SHISA9: variants seen among roughly 807,000 people sequenced by gnomAD.
SHISA9 encodes protein shisa-9.
SHISA9 carries 13 observed loss-of-function variants against 38.0 expected under a neutral mutation model. The ratio of observed to expected loss-of-function variants is 0.34; its 90% CI spans 0.22 to 0.54. The LOEUF is 0.54. Ranked by LOEUF, SHISA9 falls within the 20% of genes least tolerant of loss-of-function variation. The pLI, the probability that SHISA9 is intolerant of heterozygous loss-of-function variation, is 0.91. For missense variants in SHISA9, 538 were observed against 575.8 expected (o/e 0.93, Z 0.67); for synonymous variants, 275 against 242.0 (o/e 1.14, Z -1.27).
chr16:13,318,965 T>G, the SHISA9 span, among the ~76,000 whole-genome samples: 1 of 152,278 alleles, frequency 6.6e-6, no homozygotes, highest in Non-Finnish European at 1.5e-5. Flanking sequence ...TGCTCCCATT[T>G]GGACTCAGGT....
intron 2 of SHISA9, among the ~76,000 whole-genome samples, chr16:13,070,128 G>A (rs1366806586): frequency 0.035 from 361 of 10,274 alleles, 3 homozygotes; most frequent in African/African-American, 0.064. Context: ...AAGTACGTGT[G>A]TGTGTGTGTG....
At chr16:13,491,147 G>A in the SHISA9 span, among the ~76,000 whole-genome samples, 4 of 152,144 alleles carry the variant, frequency 2.6e-5, no homozygotes, top group Non-Finnish European at 5.9e-5. Flanking sequence ...TAACAGACTT[G>A]CTCATAAACG....
intron 4 of SHISA9, among the ~76,000 whole-genome samples, chr16:13,218,849 G>C (rs1482788232): frequency 6.6e-6 from 1 of 152,198 alleles, no homozygotes; most frequent in Non-Finnish European, 1.5e-5. Flanking sequence ...TTCCATTGGA[G>C]TGCATGCATC....
In SHISA9 at chr16:13,131,173, T is replaced by C. The variant is rs1030715768; in HGVS notation, c.692-72221T>C. Among the ~76,000 whole-genome samples, 5 of 152,302 alleles carry C rather than the reference T, an allele frequency of 3.3e-5. No homozygotes were observed. The East Asian group carries it at 5.8e-4, about 18-fold the overall frequency. ...AAAGATACATGCATGTGTATGTTCA[T>C]TGCTGCACTATTCACAATAACAAAG... On this transcript the variant is annotated intron_variant, in intron 2 of 4. Transcript: ENST00000558583.
At chr16:12,911,243 G>A (rs1278268991) in intron 1 of SHISA9, 5 of 985,014 alleles carry the variant, frequency 5.1e-6, no homozygotes, top group Non-Finnish European at 6.0e-6. Context: ...ATCCCCAGGT[G>A]ATCTGGATGC....
At chr16:13,320,292 C>CAAAAAAAAAA in the SHISA9 span, among the ~76,000 whole-genome samples, 15 of 38,994 alleles carry the variant, frequency 3.8e-4, 3 homozygotes, top group African/African-American at 5.9e-4. Context: ...GACTCTGTCT[C>CAAAAAAAAAA]AAAAAAAAAA....
At chr16:12,937,498 A>G (rs2071549870) in intron 2 of SHISA9, among the ~76,000 whole-genome samples, 1 of 152,248 alleles carries the variant, frequency 6.6e-6, no homozygotes, top group South Asian at 2.1e-4. Flanking sequence ...TGGCCTAACA[A>G]AATAACACAG....
At chr16:13,525,322 G>A in the SHISA9 span, among the ~76,000 whole-genome samples, 40 of 152,104 alleles carry the variant, frequency 2.6e-4, no homozygotes, top group African/African-American at 9.7e-4. Context: ...TCACTTGCTA[G>A]GAAAAGAAAG....
downstream of SHISA9, among the ~76,000 whole-genome samples, chr16:13,244,439 A>T (rs2051457507): frequency 6.6e-6 from 1 of 152,136 alleles, no homozygotes; most frequent in Non-Finnish European, 1.5e-5. Flanking sequence ...CTCTATGATG[A>T]TCCACTTCCA....
intron 2 of SHISA9, among the ~76,000 whole-genome samples, chr16:13,158,921 A>G (rs996563494): frequency 6.6e-6 from 1 of 150,660 alleles, no homozygotes; most frequent in East Asian, 1.9e-4. Flanking sequence ...TTAGCTGGGC[A>G]TGGTGGCATG....
chr16:13,006,720 G>A (rs2072602314), intron 2 of SHISA9, among the ~76,000 whole-genome samples: 1 of 152,198 alleles, frequency 6.6e-6, no homozygotes, highest in East Asian at 1.9e-4. Flanking sequence ...ATTCACAGCT[G>A]ATTAGGGGGA....
intron 2 of SHISA9, among the ~76,000 whole-genome samples, chr16:13,190,497 C>G (rs977893543): frequency 6.6e-6 from 1 of 152,116 alleles, no homozygotes; most frequent in Non-Finnish European, 1.5e-5. Flanking sequence ...TTTTTGCTGC[C>G]TTTGAAACTC....
chr16:13,077,439 G>T (rs974593990), intron 2 of SHISA9, among the ~76,000 whole-genome samples: 6 of 152,130 alleles, frequency 3.9e-5, no homozygotes, highest in Non-Finnish European at 7.3e-5. Context: ...GAAAGAATCT[G>T]ATTGGTGCTC....
chr16:12,976,773 C>G (rs1396793344), intron 2 of SHISA9, among the ~76,000 whole-genome samples: 1 of 152,004 alleles, frequency 6.6e-6, no homozygotes, highest in African/African-American at 2.4e-5. Flanking sequence ...TTGAGTTAGC[C>G]CTGCCCTAAT....
At chr16:13,128,733 T>C (rs947186234) in intron 2 of SHISA9, among the ~76,000 whole-genome samples, 7 of 152,202 alleles carry the variant, frequency 4.6e-5, no homozygotes, top group African/African-American at 1.7e-4. Flanking sequence ...GTCCCACATG[T>C]GTATGGGAGC....
intron 2 of SHISA9, among the ~76,000 whole-genome samples, chr16:13,050,044 C>T (rs993403007): frequency 6.6e-6 from 1 of 152,088 alleles, no homozygotes. Context: ...TAAATGCCCC[C>T]ATAAGGGGAT....
At chr16:12,992,510 C>A (rs186894834) in intron 2 of SHISA9, among the ~76,000 whole-genome samples, 1 of 151,754 alleles carries the variant, frequency 6.6e-6, no homozygotes, top group Non-Finnish European at 1.5e-5. Context: ...CCAGCCTGGG[C>A]GACAGAGTAA....
chr16:13,088,092 T>G (rs1596639765), intron 2 of SHISA9, among the ~76,000 whole-genome samples: 2 of 152,220 alleles, frequency 1.3e-5, no homozygotes, highest in Non-Finnish European at 2.9e-5. Context: ...CTTTCCCCAT[T>G]TCTTGTTTTT....
At chr16:13,367,712 G>GCGCACACACACACACACACACA in the SHISA9 span, among the ~76,000 whole-genome samples, 1 of 104,640 alleles carries the variant, frequency 9.6e-6, no homozygotes, top group Non-Finnish European at 2.0e-5. Context: ...GCGCGCGCGC[G>GCGCACACACACACACACACACA]CACACACACA....
Sources: allele counts gnomAD v4.1 joint callset (sites outside exome capture counted in the v4.1 genomes callset), GRCh38; gene constraint gnomAD v4.1.1; transcripts MANE v1.5; gene names NCBI Gene and HGNC (gene_info 2026-07-23, HGNC 2026-07-21).